Variants in GARNL3 observed in about 807,000 individuals in gnomAD.
GARNL3 encodes GTPase-activating Rap/Ran-GAP domain-like protein 3.
A neutral mutation model predicts 125.0 loss-of-function variants in GARNL3; 63 were observed. The observed-to-expected ratio is 0.50, with a 90% CI of 0.41 to 0.62. The LOEUF is 0.62. GARNL3 is among the 20% of genes least tolerant of loss of function. The pLI is 0.00. For missense variants in GARNL3, 994 were observed against 1,244.0 expected, an observed-to-expected ratio of 0.80 and a Z score of 3.02; for synonymous variants, 439 against 457.5, an observed-to-expected ratio of 0.96 and a Z score of 0.52.
At chr9:127,245,743 C>T (rs2131182826) in intron 2 of GARNL3, among the ~76,000 whole-genome samples, 1 of 152,356 alleles carries the variant, frequency 6.6e-6, no homozygotes, top group Middle Eastern at 3.4e-3. Flanking sequence ...CATTTATTCA[C>T]AAAACCCCAA....
rs143165320 is a variant in GARNL3, at chr9:127,390,700, C to T, written c.2803C>T (p.Arg935Trp). The change falls in exon 27 of 28, where the codon CGG becomes TGG. Residue 935 changes from arginine to tryptophan, a missense_variant. This residue lies in a region of GARNL3 where 728 missense variants were observed against 865.7 expected (regional missense o/e 0.84). Transcript: ENST00000373387. ...AGCGCCAAAGGCCAAATCAAAACCC[C>T]GGAAGCGGTTAGAAGAAAGCCAAGG... Reference protein sequence around the residue: ...EGAPKAKSKPRKRLEESQGGP... With the variant: ...EGAPKAKSKPWKRLEESQGGP... 4.2e-5 allele frequency: 67 copies of T among 1,613,828 alleles called. No homozygotes were observed. The African/African-American group carries it at 5.1e-4, about 12-fold the overall frequency.
At chr9:127,339,601 C>A in intron 12 of GARNL3, 44 bp from the exon 13 acceptor site, 1 of 1,402,190 alleles carries the variant, frequency 7.1e-7, no homozygotes, top group Non-Finnish European at 1.0e-6. Flanking sequence ...CACAGCCAAA[C>A]CATATCAAGT....
At chr9:127,283,255 AACT>A (rs2064149156) in intron 1 of GARNL3, among the ~76,000 whole-genome samples, 1 of 152,198 alleles carries the variant, frequency 6.6e-6, no homozygotes, top group African/African-American at 2.4e-5. Context: ...TGTCCAATAG[AACT>A]TTCTACAATT....
chr9:127,387,201 A>T lies in GARNL3; in HGVS notation c.2397A>T (p.Ile799=), dbSNP rs752757954. The T allele has an allele frequency of 2.5e-6, 4 of 1,613,180 alleles. No homozygotes were observed. The African/African-American group carries it at 5.3e-5, about 22-fold the overall frequency. Residue 799 remains isoleucine (I), a synonymous_variant, in exon 25 of 28, where the codon ATA becomes ATT. Transcript: ENST00000373387. The part of the protein sequence containing the change: ...QLQLVASRSD[I]YFTATAAVNE... ...TCTCTCTTCCTTTCTAGTCGGATAT[A>T]TACTTCACAGCAACTGCAGCTGTGA...
In GARNL3 at chr9:127,264,959, T is replaced by G. The variant is rs761108428; in HGVS notation, c.82T>G (p.Ser28Ala). The change falls in exon 1 of 28, where the codon TCG becomes GCG. Residue 28 changes from serine to alanine, a missense_variant. This residue lies in a region of GARNL3 where 37 missense variants were observed against 34.2 expected (regional missense o/e 1.08). Coordinates refer to ENST00000373387, the MANE Select transcript of GARNL3 (RefSeq NM_032293.5). ...LMKHFCSSSVSEDLGCRRGDF... is the reference protein window; with the variant it reads ...LMKHFCSSSVAEDLGCRRGDF... ...GAAGCATTTTTGTTCCAGCTCTGTC[T>G]CGGAAGACCTAGGCTGTAGACGTGG... 6.2e-7 allele frequency: 1 copy of G among 1,613,474 alleles called. No individual in the cohort carries two copies. Among genetic ancestry groups the G allele is most frequent in the South Asian group, 1.1e-5 (1 of 90,870 alleles).
intron 3 of GARNL3, among the ~76,000 whole-genome samples, 181 bp downstream of exon 3, chr9:127,311,916 AAG>A (rs1233154643): frequency 2.6e-5 from 4 of 152,186 alleles, no homozygotes; most frequent in African/African-American, 4.8e-5. Flanking sequence ...TCTCAGCCCT[AAG>A]AGTTTTTGCT....
In GARNL3 at chr9:127,348,813, CG is replaced by C; in HGVS notation, c.1432-106del. On this transcript the variant is annotated intron_variant, in intron 16 of 27. Transcript: ENST00000373387. ...AGGGTTTGGAGTGACTCCGCTCCCA[CG>C]GGGGTATCTGTGTTACTGTTTCAGG... The C allele has an allele frequency of 1.2e-5, 8 of 667,782 alleles. No individual in the cohort carries two copies. In the South Asian group the frequency reaches 1.7e-4, roughly 14 times the overall value. The allele number at this position is 667,782 out of a possible 1,614,324, so 41.4% of individuals were successfully genotyped here. A position where few individuals can be genotyped will look rare whatever the true frequency, so the allele number is the denominator to read the frequency against.
chr9:127,339,587 G>A (rs1317560094), intron 12 of GARNL3, 58 bp from the exon 13 acceptor site: 1 of 1,245,364 alleles, frequency 8.0e-7, no homozygotes, highest in Non-Finnish European at 1.2e-6. Context: ...GATTTGGGTG[G>A]GGACACAGCC....
intron 2 of GARNL3, among the ~76,000 whole-genome samples, chr9:127,245,105 G>T (rs1350990157): frequency 3.3e-5 from 5 of 152,222 alleles, no homozygotes; most frequent in Non-Finnish European, 7.3e-5. Flanking sequence ...CGGGGGGTTG[G>T]AGGTAACCTG....
At chr9:127,357,667 A>G (rs1183526252) in intron 21 of GARNL3, among the ~76,000 whole-genome samples, 1 of 152,096 alleles carries the variant, frequency 6.6e-6, no homozygotes, top group Non-Finnish European at 1.5e-5. Context: ...GCCGGGCACA[A>G]TGGCTCACGC....
chr9:127,371,629 A>G (rs891413385), intron 22 of GARNL3, among the ~76,000 whole-genome samples: 4 of 152,236 alleles, frequency 2.6e-5, no homozygotes, highest in African/African-American at 7.2e-5. Context: ...CTATTACAGA[A>G]AAAGTGTCAT....
At chr9:127,292,034 A>G (rs1346376126) in intron 2 of GARNL3, among the ~76,000 whole-genome samples, 1 of 152,064 alleles carries the variant, frequency 6.6e-6, no homozygotes, top group Non-Finnish European at 1.5e-5. Flanking sequence ...AGTGCTAGTT[A>G]TGATGCTATT....
At chr9:127,288,886 C>T (rs1390032833) in intron 1 of GARNL3, among the ~76,000 whole-genome samples, 2 of 152,168 alleles carry the variant, frequency 1.3e-5, no homozygotes, top group Non-Finnish European at 2.9e-5. Context: ...CTAGCAACCT[C>T]TATTTTAAGG....
At chr9:127,235,048 G>T (rs114890894) in intron 1 of GARNL3, among the ~76,000 whole-genome samples, 1 of 152,106 alleles carries the variant, frequency 6.6e-6, no homozygotes, top group African/African-American at 2.4e-5. Context: ...TTATATTTCT[G>T]CTTGGAAAGA....
rs1193105642 is a variant in GARNL3, at chr9:127,317,582, TG to T, written c.439-479del. Reference sequence around the variant, plus strand: ...TCTACTAAAAATTAGCCAGGCATGGTGGTGCATGCCTGTAATCCCAGCTACT... The same window carrying T: ...TCTACTAAAAATTAGCCAGGCATGGTGTGCATGCCTGTAATCCCAGCTACT... On this transcript the variant is annotated intron_variant, in intron 4 of 27. Coordinates refer to ENST00000373387, the MANE Select transcript of GARNL3 (RefSeq NM_032293.5). 3.9e-5 allele frequency among the ~76,000 whole-genome samples: 6 copies of T among 152,060 alleles called. No individual in the cohort carries two copies. In the East Asian group the frequency reaches 1.2e-3, roughly 29 times the overall value.
chr9:127,365,458 C>G (rs915736775), intron 22 of GARNL3, 92 bp downstream of exon 22: 10 of 1,022,110 alleles, frequency 9.8e-6, no homozygotes, highest in Non-Finnish European at 1.5e-5. Flanking sequence ...TTAGATTTAC[C>G]CAGTGTATCA....
Position 127,385,137 on chromosome 9 carries a change from G to T in GARNL3, c.2380G>T (p.Ala794Ser). 1 of 1,599,912 alleles carries T rather than the reference G, an allele frequency of 6.3e-7. No individual in the cohort carries two copies. Reference protein sequence around the residue: ...TAVVPQLQLVASRSDIYFTAT... With the variant: ...TAVVPQLQLVSSRSDIYFTAT... ...AGTCGTGCCGCAGCTGCAGCTGGTGGCCTCCAGGGTGAGTAGGACTGGGAT... is the reference window on the plus strand; with the variant it reads ...AGTCGTGCCGCAGCTGCAGCTGGTGTCCTCCAGGGTGAGTAGGACTGGGAT... The change falls in exon 24 of 28, where the codon GCC (alanine) becomes TCC (serine). Residue 794 changes from alanine (A) to serine (S), a missense_variant. Around this residue, in one of 5 missense-constraint regions of GARNL3, gnomAD observed 728 missense variants for 865.7 expected, o/e 0.84. Coordinates refer to ENST00000373387, the MANE Select transcript of GARNL3 (RefSeq NM_032293.5). The surrounding 1 kb of genome is among the most constrained non-coding windows in gnomAD (Gnocchi z 4.1).
chr9:127,244,790 T>C (rs988169358), intron 2 of GARNL3, among the ~76,000 whole-genome samples: 9 of 152,234 alleles, frequency 5.9e-5, no homozygotes, highest in African/African-American at 2.2e-4. Context: ...CAGTTGATTC[T>C]TAAGGGAAAC....
chr9:127,371,018 C>T (rs7847022), intron 22 of GARNL3, among the ~76,000 whole-genome samples: 46,632 of 152,102 alleles, frequency 0.31, 7,783 homozygotes, highest in Middle Eastern at 0.44. Context: ...CACATGTGCT[C>T]CTCCTCTGAT....
Sources: gnomAD v4.1 joint callset for allele counts (sites outside exome capture counted in the v4.1 genomes callset) on GRCh38, gnomAD v4.1.1 for gene constraint, gnomAD v4.1.1 regional missense constraint, Gnocchi (gnomAD v3.1) non-coding constraint, MANE v1.5 for transcripts, NCBI Gene and HGNC (gene_info 2026-07-23, HGNC 2026-07-21) for gene names.